Variants in PLXNA4 observed in about 807,000 individuals in gnomAD.
The protein encoded by PLXNA4 is plexin A4, also known as plexin-A4.
In PLXNA4, 44 loss-of-function variants were observed where a neutral mutation model predicts 191.8. The observed-to-expected ratio is 0.23, with a 90% CI of 0.18 to 0.29. PLXNA4 has a LOEUF of 0.29. Ranked by LOEUF, PLXNA4 falls within the 10% of genes least tolerant of loss-of-function variation. PLXNA4 has a pLI of 1.00. For missense variants in PLXNA4, 1,800 were observed against 2,488.8 expected, an observed-to-expected ratio of 0.72 and a Z score of 5.89; for synonymous variants, 1,082 against 1,009.5, an observed-to-expected ratio of 1.07 and a Z score of -1.36.
chr7:132,337,573 C>T (rs978135460), intron 3 of PLXNA4, among the ~76,000 whole-genome samples: 6 of 152,188 alleles, frequency 3.9e-5, no homozygotes, highest in Admixed American at 1.3e-4. Flanking sequence ...AGTTGCAGCA[C>T]ATTAAGCCCA....
intron 3 of PLXNA4, among the ~76,000 whole-genome samples, chr7:132,377,328 T>C (rs927855723): frequency 6.6e-6 from 1 of 151,878 alleles, no homozygotes; most frequent in African/African-American, 2.4e-5. Context: ...GCCTCCTTTT[T>C]ATAGCCTCCC....
chr7:132,631,081 A>G (rs932322453), intron 2 of PLXNA4, among the ~76,000 whole-genome samples: 2 of 152,198 alleles, frequency 1.3e-5, no homozygotes, highest in African/African-American at 4.8e-5. Context: ...AGACTCAACC[A>G]CTTGCATAAA....
intron 3 of PLXNA4, among the ~76,000 whole-genome samples, chr7:132,457,770 G>C (rs1159341444): frequency 6.6e-6 from 1 of 152,200 alleles, no homozygotes; most frequent in African/African-American, 2.4e-5. Flanking sequence ...CACTGAGAGG[G>C]AGGCAGTGTG....
chr7:132,240,445 C>T (rs1798838297), intron 5 of PLXNA4, among the ~76,000 whole-genome samples: 1 of 152,206 alleles, frequency 6.6e-6, no homozygotes, highest in Non-Finnish European at 1.5e-5. Context: ...TGGCAAGAGG[C>T]CAGCACTCAG....
chr7:132,637,360 A>G (rs1275667171), intron 2 of PLXNA4, among the ~76,000 whole-genome samples: 1 of 152,200 alleles, frequency 6.6e-6, no homozygotes, highest in Non-Finnish European at 1.5e-5. Context: ...CAGCTGTCAC[A>G]GAGGACTTGA....
intron 3 of PLXNA4, among the ~76,000 whole-genome samples, chr7:132,486,615 C>T (rs964904795): frequency 6.6e-6 from 1 of 152,216 alleles, no homozygotes; most frequent in African/African-American, 2.4e-5. Flanking sequence ...AAGGCTCATT[C>T]CCCCCAACTG....
intron 1 of PLXNA4, among the ~76,000 whole-genome samples, chr7:132,564,523 T>C (rs1231696331): frequency 7.2e-5 from 11 of 152,102 alleles, no homozygotes; most frequent in Admixed American, 7.2e-4. Flanking sequence ...CTCTGACACA[T>C]TGCATGTAAA....
At chr7:132,387,106 C>T (rs916552872) in intron 3 of PLXNA4, among the ~76,000 whole-genome samples, 2 of 152,232 alleles carry the variant, frequency 1.3e-5, no homozygotes, top group Non-Finnish European at 2.9e-5. Flanking sequence ...GCACAGGCCA[C>T]TAACAACTCG....
intron 2 of PLXNA4, among the ~76,000 whole-genome samples, chr7:132,627,089 C>T (rs1281850273): frequency 6.6e-6 from 1 of 152,204 alleles, no homozygotes; most frequent in Admixed American, 6.5e-5. Flanking sequence ...TTTAAAATCT[C>T]TGTAGTTTAA....
chr7:132,238,819 G>T (rs563717807), intron 5 of PLXNA4, among the ~76,000 whole-genome samples: 1 of 152,120 alleles, frequency 6.6e-6, no homozygotes, highest in Non-Finnish European at 1.5e-5. Flanking sequence ...ACAAGAGGGG[G>T]GGGGGCACCC....
intron 3 of PLXNA4, among the ~76,000 whole-genome samples, chr7:132,318,555 G>A (rs1411566559): frequency 1.3e-5 from 2 of 151,202 alleles, no homozygotes; most frequent in Non-Finnish European, 2.9e-5. Flanking sequence ...CAGAATGAGC[G>A]TTTCCACAAC....
intron 3 of PLXNA4, among the ~76,000 whole-genome samples, chr7:132,307,229 T>G (rs1162162438): frequency 6.6e-6 from 1 of 152,126 alleles, no homozygotes; most frequent in African/African-American, 2.4e-5. Context: ...GGGCTTTTGT[T>G]TTTTAAAAGT....
intron 5 of PLXNA4, among the ~76,000 whole-genome samples, chr7:132,230,196 C>A (rs921240127): frequency 2.0e-5 from 3 of 152,140 alleles, no homozygotes; most frequent in South Asian, 4.1e-4. Context: ...CTGCAACAAA[C>A]CCCACCTTGT....
At position 132,382,049 on chromosome 7, in the gene PLXNA4, CAT is replaced by C. The variant is rs1471870568; in HGVS notation, c.1372-83829_1372-83828del. Among the ~76,000 whole-genome samples the C allele has an allele frequency of 3.9e-5, 6 of 152,268 alleles. No homozygotes were observed. The South Asian group carries it at 1.2e-3, about 32-fold the overall frequency. On this transcript the variant is annotated intron_variant, in intron 3 of 31. Coordinates refer to ENST00000321063, the MANE Select transcript of PLXNA4 (RefSeq NM_020911.2). ...GGAAAACACAGAAAAAGCCACAGGG[CAT>C]GATAAAATACAAGGGAGAGGGGAGA... is the stretch of plus-strand genomic sequence containing the variant.
In PLXNA4 at chr7:132,124,456, CCT is replaced by C. The variant is rs1201926186; in HGVS notation, c.*6021_*6022del. The C allele has an allele frequency of 3.9e-5, 6 of 152,254 alleles. No homozygotes were observed. The highest frequency in any genetic ancestry group is 2.1e-4 in the South Asian group (1 of 4,830). 9.4% of individuals were successfully genotyped at this position (152,254 alleles called of 1,614,324 possible). A position where few individuals can be genotyped will look rare whatever the true frequency, so the allele number is the denominator to read the frequency against. ...CCTTTGGGTTGCTCTTTAACTGTAT[CCT>C]CTGTTTTAAATTCTACTTTTGTAAG... is the stretch of plus-strand genomic sequence containing the variant. On this transcript the variant is annotated 3_prime_UTR_variant, in exon 32 of 32. Transcript: ENST00000321063.
At chr7:132,293,791 T>A (rs1386387682) in intron 4 of PLXNA4, among the ~76,000 whole-genome samples, 1 of 152,190 alleles carries the variant, frequency 6.6e-6, no homozygotes, top group Admixed American at 6.5e-5. Context: ...CTCTCACATA[T>A]GTTTAGGATG....
intron 2 of PLXNA4, among the ~76,000 whole-genome samples, chr7:132,612,709 T>C (rs1347044529): frequency 2.0e-5 from 3 of 146,866 alleles, no homozygotes. Flanking sequence ...TCTTTCTCCC[T>C]CTCAGCACTA....
chr7:132,139,831 A>T (rs923943589), intron 30 of PLXNA4, among the ~76,000 whole-genome samples: 9 of 152,254 alleles, frequency 5.9e-5, no homozygotes, highest in African/African-American at 1.7e-4. Context: ...CCTTCATGGC[A>T]TAAAAGGAGC....
At chr7:132,227,021 C>A (rs1404582584) in intron 7 of PLXNA4, among the ~76,000 whole-genome samples, 3 of 152,144 alleles carry the variant, frequency 2.0e-5, no homozygotes, top group African/African-American at 4.8e-5. Context: ...TCTGGGGAGA[C>A]CCGGTAGGGC....
Sources: gnomAD v4.1 joint callset for allele counts (sites outside exome capture counted in the v4.1 genomes callset) on GRCh38, gnomAD v4.1.1 for gene constraint, MANE v1.5 for transcripts, NCBI Gene and HGNC (gene_info 2026-07-23, HGNC 2026-07-21) for gene names.